LRRC20: variants seen among roughly 807,000 people sequenced by gnomAD.
LRRC20 encodes leucine rich repeat containing 20.
In LRRC20, 11 loss-of-function variants were observed where a neutral mutation model predicts 14.4. The observed-to-expected ratio is 0.77, with a 90% CI of 0.48 to 1.27. The LOEUF is 1.27. LRRC20 is among the 50% of genes most tolerant of loss of function. LRRC20 has a pLI of 0.00. For synonymous variants in LRRC20, 121 were observed against 107.3 expected, an observed-to-expected ratio of 1.13 and a Z score of -0.79; for missense variants, 219 against 251.2, an observed-to-expected ratio of 0.87 and a Z score of 0.87.
intron 2 of LRRC20, among the ~76,000 whole-genome samples, chr10:70,349,458 A>T (rs1843210285): frequency 6.6e-6 from 1 of 152,182 alleles, no homozygotes; most frequent in South Asian, 2.1e-4. Context: ...CGTGCCTGTA[A>T]TCCCAGCTAC....
At chr10:70,358,884 C>T (rs1256061887) in intron 2 of LRRC20, among the ~76,000 whole-genome samples, 3 of 152,226 alleles carry the variant, frequency 2.0e-5, no homozygotes, top group Non-Finnish European at 2.9e-5. Context: ...GACCACCCCT[C>T]GCACCCAGTA....
chr10:70,371,283 G>A (rs1235836710), intron 2 of LRRC20, among the ~76,000 whole-genome samples: 1 of 151,944 alleles, frequency 6.6e-6, no homozygotes, highest in Non-Finnish European at 1.5e-5. Flanking sequence ...CACTACAGGT[G>A]TGTGCCACTG....
chr10:70,369,618 A>G (rs1178389939), intron 2 of LRRC20, among the ~76,000 whole-genome samples: 1 of 150,626 alleles, frequency 6.6e-6, no homozygotes, highest in East Asian at 1.9e-4. Context: ...AAAAAAAAAA[A>G]AAAAAAAAAA....
At chr10:70,343,339 G>GT (rs1452619448) in intron 2 of LRRC20, among the ~76,000 whole-genome samples, 1 of 152,188 alleles carries the variant, frequency 6.6e-6, no homozygotes, top group African/African-American at 2.4e-5. Context: ...CACAGATGTG[G>GT]TTTTGGGGGG....
intron 1 of LRRC20, chr10:70,376,859 G>C (rs759600711): frequency 2.4e-5 from 8 of 339,170 alleles, no homozygotes; most frequent in Non-Finnish European, 3.9e-5. Context: ...CAGACATGGG[G>C]ACCAGGTCTG....
intron 1 of LRRC20, among the ~76,000 whole-genome samples, chr10:70,378,194 C>T (rs185450845): frequency 2.0e-5 from 3 of 152,306 alleles, no homozygotes; most frequent in Non-Finnish European, 2.9e-5. Context: ...GAACAAAACA[C>T]TGAGGGAACT....
chr10:70,319,879 G>A (rs1034970492), intron 4 of LRRC20, among the ~76,000 whole-genome samples: 3 of 152,056 alleles, frequency 2.0e-5, no homozygotes, highest in African/African-American at 7.2e-5. Context: ...CTGTGTCCTG[G>A]CAGGCCAGTC....
intron 2 of LRRC20, among the ~76,000 whole-genome samples, chr10:70,355,997 G>C (rs1843502940): frequency 6.6e-6 from 1 of 152,230 alleles, no homozygotes; most frequent in South Asian, 2.1e-4. Flanking sequence ...GTTGGCCTCA[G>C]AGAAGAAAGC....
chr10:70,356,285 G>A (rs1843514623), intron 2 of LRRC20, among the ~76,000 whole-genome samples: 1 of 152,170 alleles, frequency 6.6e-6, no homozygotes, highest in Admixed American at 6.5e-5. Flanking sequence ...GCCAAGGTGG[G>A]AGGATCACTT....
intron 2 of LRRC20, among the ~76,000 whole-genome samples, chr10:70,347,676 C>T (rs1240609224): frequency 4.0e-5 from 6 of 151,836 alleles, no homozygotes; most frequent in Non-Finnish European, 7.4e-5. Context: ...AAAAATCTGC[C>T]GGGTGTGGTG....
At position 70,349,893 on chromosome 10, in the gene LRRC20, C is replaced by T. The variant is rs1843228951; in HGVS notation, c.83-9191G>A. Among the ~76,000 whole-genome samples the T allele has an allele frequency of 1.3e-5, 2 of 152,152 alleles. 1 individual carries two copies. Among genetic ancestry groups the T allele is most frequent in the South Asian group, 4.1e-4 (2 of 4,822 alleles). On this transcript the variant is annotated intron_variant, in intron 2 of 4. Transcript: ENST00000446961. ...ATCCTGGGGAATCCCTCCTCAGTCA[C>T]TGGCAGATTGGGATGTTTAGGGTCA...
chr10:70,317,551 A>T (rs1232159377), intron 4 of LRRC20, among the ~76,000 whole-genome samples: 12 of 151,920 alleles, frequency 7.9e-5, no homozygotes, highest in Middle Eastern at 6.8e-3. Flanking sequence ...TTTTTTTAAA[A>T]ATTTTTTGTA....
intron 2 of LRRC20, among the ~76,000 whole-genome samples, chr10:70,361,698 G>A (rs115151048): frequency 0.072 from 10,901 of 152,044 alleles, 459 homozygotes; most frequent in South Asian, 0.15. Context: ...CCCAGTCATT[G>A]GCTCCCTCCC....
At chr10:70,378,782 A>G (rs962214729) in intron 1 of LRRC20, among the ~76,000 whole-genome samples, 1 of 148,332 alleles carries the variant, frequency 6.7e-6, no homozygotes, top group Admixed American at 6.7e-5. Context: ...TCAAAAAAAA[A>G]AAAAAAAAAA....
intron 4 of LRRC20, among the ~76,000 whole-genome samples, chr10:70,304,470 T>TTTTATATATATATA (rs1841329290): frequency 8.8e-6 from 1 of 113,824 alleles, no homozygotes; most frequent in African/African-American, 3.0e-5. Context: ...GGCCACTTCT[T>TTTTATATATATATA]TATATATATA....
chr10:70,323,461 G>A (rs796091674), intron 4 of LRRC20, among the ~76,000 whole-genome samples: 14 of 152,240 alleles, frequency 9.2e-5, no homozygotes, highest in African/African-American at 3.4e-4. Flanking sequence ...CTGTCTAGTG[G>A]GCCCTGCTCA....
At chr10:70,356,792 A>T (rs1843543837) in intron 2 of LRRC20, among the ~76,000 whole-genome samples, 1 of 152,090 alleles carries the variant, frequency 6.6e-6, no homozygotes, top group Admixed American at 6.6e-5. Flanking sequence ...CGGAGGTTGC[A>T]GTGAGCCAAG....
chr10:70,343,474 C>A (rs1045070100), intron 2 of LRRC20, among the ~76,000 whole-genome samples: 11 of 152,216 alleles, frequency 7.2e-5, no homozygotes, highest in Non-Finnish European at 1.6e-4. Context: ...ACTTGGTAAC[C>A]CAGCCCTGCG....
rs377474313 is a variant in LRRC20 at position 70,308,222 on chromosome 10, C to T, written c.401-6714G>A. Reference sequence around the variant, plus strand: ...ATATTCATAGGCCATTGACAAGAAGCTGTACAGATCATGGCAGAGAGACCA... The same window carrying T: ...ATATTCATAGGCCATTGACAAGAAGTTGTACAGATCATGGCAGAGAGACCA... On this transcript the variant is annotated intron_variant, in intron 4 of 4. Transcript: ENST00000446961. 1.1e-4 allele frequency among the ~76,000 whole-genome samples: 17 copies of T among 152,342 alleles called. No homozygotes were observed. The East Asian group carries it at 1.5e-3, about 14-fold the overall frequency.
Sources: gnomAD v4.1 joint callset for allele counts (sites outside exome capture counted in the v4.1 genomes callset) on GRCh38, gnomAD v4.1.1 for gene constraint, MANE v1.5 for transcripts, NCBI Gene and HGNC (gene_info 2026-07-23, HGNC 2026-07-21) for gene names.